Variants in THSD7A observed in about 807,000 individuals in gnomAD.
The protein encoded by THSD7A is thrombospondin type-1 domain-containing protein 7A.
Under a neutral mutation model 231.3 loss-of-function variants are expected in THSD7A, and 96 were observed. The observed-to-expected ratio is 0.41, with a 90% CI of 0.35 to 0.49. THSD7A has a LOEUF of 0.49. Among genes scored for constraint, THSD7A ranks in the 20% least tolerant of loss-of-function variants. The pLI, the probability that THSD7A is intolerant of heterozygous loss-of-function variation, is 0.05. For missense variants in THSD7A, 2,290 were observed against 2,070.2 expected (o/e 1.11, Z -2.06); for synonymous variants, 940 against 743.3 (o/e 1.26, Z -4.30).
chr7:11,631,113 T>C lies in THSD7A; in HGVS notation c.1022+5017A>G, dbSNP rs1214433318. Among the ~76,000 whole-genome samples the C allele has an allele frequency of 2.0e-5, 3 of 152,190 alleles. No individual in the cohort carries two copies. The East Asian group carries it at 5.8e-4, about 29-fold the overall frequency. On this transcript the variant is annotated intron_variant, in intron 2 of 27. Coordinates refer to ENST00000423059, the MANE Select transcript of THSD7A (RefSeq NM_015204.3). ...TCCCCAGATTCCCTGTGTCTTGCCC[T>C]TCCCCCCACCAGATTGGGATAATCC... is the stretch of plus-strand genomic sequence containing the variant.
chr7:11,577,954 G>A (rs548470768), intron 4 of THSD7A, among the ~76,000 whole-genome samples: 11 of 152,190 alleles, frequency 7.2e-5, no homozygotes, highest in Non-Finnish European at 1.2e-4. Context: ...AAAATTAACT[G>A]TATTTATTCT....
intron 6 of THSD7A, among the ~76,000 whole-genome samples, chr7:11,539,270 G>C (rs1016809141): frequency 2.6e-5 from 4 of 152,062 alleles, no homozygotes; most frequent in African/African-American, 9.7e-5. Flanking sequence ...ATACAAATTT[G>C]AGTGAGTTCT....
intron 6 of THSD7A, among the ~76,000 whole-genome samples, chr7:11,490,404 A>C (rs1786840035): frequency 6.6e-6 from 1 of 152,106 alleles, no homozygotes; most frequent in Admixed American, 6.6e-5. Context: ...TTATTAAAAC[A>C]TCTATGACTT....
Position 11,668,925 on chromosome 7 carries a change from A to C in THSD7A, c.191-31964T>G, listed in dbSNP as rs1783264809. On this transcript the variant is annotated intron_variant, in intron 1 of 27. Coordinates refer to ENST00000423059, the MANE Select transcript of THSD7A (RefSeq NM_015204.3). ...CTACTGAATTCTGTACCTAATTAACACAAGACTATCAGTTTCAAAACAGCA... is the reference window on the plus strand; with the variant it reads ...CTACTGAATTCTGTACCTAATTAACCCAAGACTATCAGTTTCAAAACAGCA... Among the ~76,000 whole-genome samples, 6 of 152,290 alleles carry C rather than the reference A, an allele frequency of 3.9e-5. No individual in the cohort carries two copies. In the South Asian group the frequency reaches 1.2e-3, roughly 32 times the overall value.
At chr7:11,450,851 C>T (rs566621414) in intron 11 of THSD7A, among the ~76,000 whole-genome samples, 1 of 151,978 alleles carries the variant, frequency 6.6e-6, no homozygotes, top group Admixed American at 6.6e-5. Flanking sequence ...GTCATGTTAC[C>T]CTACAGATAA....
chr7:11,737,238 G>C (rs1475377285), intron 1 of THSD7A, among the ~76,000 whole-genome samples: 1 of 152,000 alleles, frequency 6.6e-6, no homozygotes, highest in East Asian at 1.9e-4. Context: ...AAGAGGACTG[G>C]GAAGGTCAGA....
At chr7:11,622,808 A>G (rs1195922743) in intron 2 of THSD7A, among the ~76,000 whole-genome samples, 1 of 152,150 alleles carries the variant, frequency 6.6e-6, no homozygotes, top group East Asian at 1.9e-4. Flanking sequence ...TATATGAATT[A>G]TTTTTTTAAA....
chr7:11,813,225 C>T (rs1004163485), intron 1 of THSD7A, among the ~76,000 whole-genome samples: 1 of 152,096 alleles, frequency 6.6e-6, no homozygotes, highest in Non-Finnish European at 1.5e-5. Context: ...TTGTTGGCAT[C>T]CTACTAAGTG....
intron 4 of THSD7A, among the ~76,000 whole-genome samples, chr7:11,560,653 T>C (rs1790039074): frequency 6.6e-6 from 1 of 152,108 alleles, no homozygotes. Flanking sequence ...GCAAAGCCCA[T>C]TTATTGAAAC....
At chr7:11,533,780 C>A (rs927925949) in intron 6 of THSD7A, among the ~76,000 whole-genome samples, 1 of 152,102 alleles carries the variant, frequency 6.6e-6, no homozygotes, top group East Asian at 1.9e-4. Context: ...CTAATCCATG[C>A]AGGACTTAAA....
rs568597179 is a variant in THSD7A at position 11,504,154 on chromosome 7, T to C, written c.1823-22172A>G. Among the ~76,000 whole-genome samples, 19 of 152,290 alleles carry C rather than the reference T, an allele frequency of 1.2e-4. No individual in the cohort carries two copies. In the South Asian group the frequency reaches 3.9e-3, roughly 32 times the overall value. On this transcript the variant is annotated intron_variant, in intron 6 of 27. Transcript: ENST00000423059. Reference sequence around the variant, plus strand: ...ATAAAAAAGAACGAGATCATGTCTCTTGTGGGAACACGGATGGAGCTGGAG... The same window carrying C: ...ATAAAAAAGAACGAGATCATGTCTCCTGTGGGAACACGGATGGAGCTGGAG...
At chr7:11,511,261 C>G (rs1373018779) in intron 6 of THSD7A, among the ~76,000 whole-genome samples, 1 of 152,094 alleles carries the variant, frequency 6.6e-6, no homozygotes, top group Non-Finnish European at 1.5e-5. Context: ...GAACTACAAA[C>G]CACTGCTCAA....
intron 23 of THSD7A, among the ~76,000 whole-genome samples, chr7:11,396,702 C>A (rs1783200861): frequency 6.6e-6 from 1 of 152,158 alleles, no homozygotes; most frequent in Admixed American, 6.5e-5. Flanking sequence ...ACCAGAGGTA[C>A]AAAGAGGAGC....
At chr7:11,480,882 G>A (rs1398178951) in intron 7 of THSD7A, among the ~76,000 whole-genome samples, 1 of 151,936 alleles carries the variant, frequency 6.6e-6, no homozygotes, top group Non-Finnish European at 1.5e-5. Flanking sequence ...AAAATGTTAT[G>A]CTTATTACAA....
intron 1 of THSD7A, among the ~76,000 whole-genome samples, chr7:11,646,662 C>T (rs1048134047): frequency 2.6e-5 from 4 of 151,910 alleles, no homozygotes; most frequent in Admixed American, 6.6e-5. Flanking sequence ...TTCAACAGTC[C>T]GACTTGATGC....
In THSD7A at chr7:11,373,926, C is replaced by A. The variant is rs1340491198; in HGVS notation, c.*1868G>T. ...AAAATGGTATTGCTTTTTAATGGCA[C>A]CTTTTGAGTTTTCTTTTCATTTGCA... On this transcript the variant is annotated 3_prime_UTR_variant, in exon 28 of 28. Transcript: ENST00000423059. The A allele has an allele frequency of 6.6e-6, 1 of 151,986 alleles. No homozygotes were observed. The highest frequency in any genetic ancestry group is 2.4e-5 in the African/African-American group (1 of 41,404). 9.4% of individuals were successfully genotyped at this position (151,986 alleles called of 1,614,324 possible). A position where few individuals can be genotyped will look rare whatever the true frequency, so the allele number is the denominator to read the frequency against.
intron 11 of THSD7A, among the ~76,000 whole-genome samples, chr7:11,455,906 T>C (rs138513820): frequency 6.6e-5 from 10 of 152,148 alleles, no homozygotes; most frequent in Admixed American, 2.6e-4. Flanking sequence ...TTCCTCCAAT[T>C]TGAAAAATTA....
chr7:11,626,734 C>G (rs1029904257), intron 2 of THSD7A, among the ~76,000 whole-genome samples: 3 of 151,960 alleles, frequency 2.0e-5, no homozygotes, highest in African/African-American at 7.3e-5. Context: ...TAAAAATTCT[C>G]AGAGACTATT....
chr7:11,379,491 G>T, intron 25 of THSD7A, 139 bp downstream of exon 25: 1 of 916,734 alleles, frequency 1.1e-6, no homozygotes, highest in Non-Finnish European at 1.7e-6. Context: ...GGACTTTTTA[G>T]ATTGATAAAA....
Sources: gnomAD v4.1 joint callset for allele counts (sites outside exome capture counted in the v4.1 genomes callset) on GRCh38, gnomAD v4.1.1 for gene constraint, MANE v1.5 for transcripts, NCBI Gene and HGNC (gene_info 2026-07-23, HGNC 2026-07-21) for gene names.